NRF1: variants seen among roughly 807,000 people sequenced by gnomAD.
NRF1 encodes the protein nuclear respiratory factor 1.
Under a neutral mutation model 58.5 loss-of-function variants are expected in NRF1, and 5 were observed. The observed-to-expected ratio is 0.09, with a 90% CI of 0.04 to 0.18. The LOEUF (loss-of-function observed/expected upper bound fraction) is 0.18. Ranked by LOEUF, NRF1 falls within the 10% of genes least tolerant of loss-of-function variation. The pLI, the probability that NRF1 is intolerant of heterozygous loss-of-function variation, is 1.00. For synonymous variants in NRF1, 224 were observed against 246.7 expected (o/e 0.91, Z 0.86); for missense variants, 288 against 657.7 (o/e 0.44, Z 6.15).
intron 1 of NRF1, among the ~76,000 whole-genome samples, chr7:129,647,486 T>C (rs919142562): frequency 2.7e-5 from 4 of 149,644 alleles, no homozygotes; most frequent in Admixed American, 6.7e-5. Flanking sequence ...CACTGCAACC[T>C]CCGACTCCCA....
At chr7:129,744,255 G>T in intron 10 of NRF1, 1 of 1,544,012 alleles carries the variant, frequency 6.5e-7, no homozygotes, top group Non-Finnish European at 8.8e-7. Flanking sequence ...GGGAAAGAAG[G>T]AAGCAGCTGG....
At chr7:129,727,825 C>T (rs547576116) in intron 10 of NRF1, among the ~76,000 whole-genome samples, 18 of 152,124 alleles carry the variant, frequency 1.2e-4, no homozygotes, top group African/African-American at 3.6e-4. Flanking sequence ...GCTGTGATGC[C>T]GGTGCCTCTC....
In NRF1 at chr7:129,719,497, AACACACACACACAC is replaced by A. The variant is rs67443980; in HGVS notation, c.1223+2155_1223+2168del. On this transcript the variant is annotated intron_variant, in intron 9 of 10. Coordinates refer to ENST00000393232, the MANE Select transcript of NRF1 (RefSeq NM_005011.5). ...TGGTTGATTAGGAATAGGAAACTGAAACACACACACACACACACACACACACACACACACACACA... is the reference window on the plus strand; with the variant it reads ...TGGTTGATTAGGAATAGGAAACTGAAACACACACACACACACACACACACA... 3.5e-3 allele frequency among the ~76,000 whole-genome samples: 490 copies of A among 142,002 alleles called. 8 individuals carry two copies. In the East Asian group the frequency reaches 0.044, roughly 13 times the overall value. 93.2% of individuals were successfully genotyped at this position (142,002 alleles called of 152,430 possible).
At chr7:129,721,445 A>G (rs527661554) in intron 9 of NRF1, among the ~76,000 whole-genome samples, 47 of 151,942 alleles carry the variant, frequency 3.1e-4, no homozygotes, top group African/African-American at 1.1e-3. Flanking sequence ...TTTGCTTTTA[A>G]AAGTCATATT....
At chr7:129,674,688 A>G (rs970261513) in intron 3 of NRF1, among the ~76,000 whole-genome samples, 2 of 151,764 alleles carry the variant, frequency 1.3e-5, no homozygotes, top group Non-Finnish European at 1.5e-5. Flanking sequence ...TCCCACCTCA[A>G]CCTCCCAAAG....
At chr7:129,715,191 A>C (rs1803159091) in intron 8 of NRF1, among the ~76,000 whole-genome samples, 1 of 152,320 alleles carries the variant, frequency 6.6e-6, no homozygotes, top group East Asian at 1.9e-4. Flanking sequence ...CCCAGACCAG[A>C]GGGGACATTT....
rs79290552 is a variant in NRF1 at position 129,655,330 on chromosome 7, T to G, written c.-6-2016T>G. On this transcript the variant is annotated intron_variant, in intron 1 of 10. Coordinates refer to ENST00000393232, the MANE Select transcript of NRF1 (RefSeq NM_005011.5). ...TGTAATTACTTACTAGTTCCAGGAG[T>G]TTTTTTTATTGATTATTTTGGATTT... is the stretch of plus-strand genomic sequence containing the variant. Among the ~76,000 whole-genome samples the G allele has an allele frequency of 2.6e-3, 393 of 152,020 alleles. 1 individual carries two copies. The highest frequency in any genetic ancestry group is 8.7e-3 in the African/African-American group (362 of 41,454).
Position 129,643,259 on chromosome 7 carries a change from C to T in NRF1, c.-6-14087C>T, listed in dbSNP as rs578026749. Among the ~76,000 whole-genome samples, 14 of 152,248 alleles carry T rather than the reference C, an allele frequency of 9.2e-5. No homozygotes were observed. The South Asian group carries it at 2.3e-3, about 25-fold the overall frequency. On this transcript the variant is annotated intron_variant, in intron 1 of 10. Transcript: ENST00000393232. The stretch of plus-strand genomic sequence containing the variant: ...GAAGCTAGGAAATAGCTTTAACTGG[C>T]TGTTGGTTGTGTAGTGACAGATCCA...
intron 10 of NRF1, among the ~76,000 whole-genome samples, chr7:129,750,808 C>CT (rs1804097377): frequency 6.6e-6 from 1 of 152,112 alleles, no homozygotes; most frequent in East Asian, 1.9e-4. Context: ...TTTGAAGCTG[C>CT]TTTTTTTCTG....
chr7:129,744,789 AGTTTTTTTGTG>A (rs1435891882), intron 10 of NRF1, among the ~76,000 whole-genome samples: 1 of 152,030 alleles, frequency 6.6e-6, no homozygotes, highest in African/African-American at 2.4e-5. Context: ...AAAAAGTTTT[AGTTTTTTTGTG>A]GTTTTTTTCC....
intron 10 of NRF1, among the ~76,000 whole-genome samples, chr7:129,746,207 C>T (rs891887408): frequency 2.6e-5 from 4 of 152,114 alleles, no homozygotes; most frequent in African/African-American, 9.7e-5. Context: ...ATTAAATGTC[C>T]CAAAAGCAGC....
intron 1 of NRF1, among the ~76,000 whole-genome samples, chr7:129,634,039 A>T (rs796113441): frequency 0.039 from 3,439 of 89,186 alleles, 59 homozygotes; most frequent in East Asian, 0.071. Flanking sequence ...TAAAAAAAAA[A>T]AAAGATATAT....
chr7:129,651,739 A>G (rs1335866860), intron 1 of NRF1, among the ~76,000 whole-genome samples: 2 of 152,208 alleles, frequency 1.3e-5, no homozygotes, highest in African/African-American at 4.8e-5. Context: ...TTTTAATGGT[A>G]TCTTTCTCTC....
At chr7:129,704,514 GACTTTGATAGAA>G (rs912655311) in intron 5 of NRF1, among the ~76,000 whole-genome samples, 3 of 152,138 alleles carry the variant, frequency 2.0e-5, no homozygotes, top group Non-Finnish European at 4.4e-5. Context: ...GTCACATTTA[GACTTTGATAGAA>G]ACTTAATATA....
intron 10 of NRF1, among the ~76,000 whole-genome samples, chr7:129,742,752 G>A (rs755856858): frequency 6.6e-6 from 1 of 152,192 alleles, no homozygotes; most frequent in Non-Finnish European, 1.5e-5. Context: ...TCGGAGGCAC[G>A]TTTATGATAT....
At chr7:129,663,951 C>T (rs1584620173) in intron 2 of NRF1, among the ~76,000 whole-genome samples, 1 of 152,184 alleles carries the variant, frequency 6.6e-6, no homozygotes, top group African/African-American at 2.4e-5. Context: ...ACGGCGAAAC[C>T]CCGTCTCCAC....
intron 3 of NRF1, among the ~76,000 whole-genome samples, chr7:129,676,333 CT>C (rs1562967504): frequency 6.6e-6 from 1 of 152,236 alleles, no homozygotes; most frequent in Non-Finnish European, 1.5e-5. Context: ...CCTATCTTGG[CT>C]TTCAACATGC....
At chr7:129,720,779 A>G (rs1328858010) in intron 9 of NRF1, among the ~76,000 whole-genome samples, 2 of 152,190 alleles carry the variant, frequency 1.3e-5, no homozygotes, top group Admixed American at 6.5e-5. Flanking sequence ...ACAAGGGCCC[A>G]GGGCTCCACG....
intron 8 of NRF1, among the ~76,000 whole-genome samples, chr7:129,716,414 T>G (rs1487428683): frequency 1.3e-5 from 2 of 151,912 alleles, no homozygotes; most frequent in Non-Finnish European, 2.9e-5. Context: ...TAGTTTGAAT[T>G]TTTTTTTCCT....
Sources: allele counts gnomAD v4.1 joint callset (sites outside exome capture counted in the v4.1 genomes callset), GRCh38; gene constraint gnomAD v4.1.1; transcripts MANE v1.5; gene names NCBI Gene and HGNC (gene_info 2026-07-23, HGNC 2026-07-21).